MTMR3: variants seen among roughly 807,000 people sequenced by gnomAD.
MTMR3 encodes the protein myotubularin related protein 3.
MTMR3 carries 32 observed loss-of-function variants against 132.4 expected under a neutral mutation model. The ratio of observed to expected loss-of-function variants is 0.24; its 90% CI spans 0.18 to 0.32. The LOEUF (loss-of-function observed/expected upper bound fraction) is 0.32. Ranked by LOEUF, MTMR3 falls within the 10% of genes least tolerant of loss-of-function variation. The probability of loss-of-function intolerance (pLI) is 1.00; values close to 1 mark genes in which losing one functional copy is unlikely to be tolerated. For missense variants in MTMR3, 1,216 were observed against 1,489.6 expected, an observed-to-expected ratio of 0.82 and a Z score of 3.02; for synonymous variants, 556 against 550.3, an observed-to-expected ratio of 1.01 and a Z score of -0.14.
At position 29,986,041 on chromosome 22, in the gene MTMR3, A is replaced by C. The variant is rs556840724; in HGVS notation, c.211-2439A>C. On this transcript the variant is annotated intron_variant, in intron 5 of 19. Coordinates refer to ENST00000401950, the MANE Select transcript of MTMR3 (RefSeq NM_021090.4). ...GTTTTCATGTCTTCTGTCCATAAAGAAAGTCAGTTGCAGGGGACTTGGGAT... is the reference window on the plus strand; with the variant it reads ...GTTTTCATGTCTTCTGTCCATAAAGCAAGTCAGTTGCAGGGGACTTGGGAT... 11 of 152,338 alleles carry C rather than the reference A, an allele frequency of 7.2e-5. No individual in the cohort carries two copies. The East Asian group carries it at 1.9e-3, about 27-fold the overall frequency. The allele number at this position is 152,338 out of a possible 1,614,324, so 9.4% of individuals were successfully genotyped here.
At position 30,020,534 on chromosome 22, in the gene MTMR3, G is replaced by C; in HGVS notation, c.2875G>C (p.Ala959Pro). 1 of 1,614,164 alleles carries C rather than the reference G, an allele frequency of 6.2e-7. No individual in the cohort carries two copies. Among genetic ancestry groups the C allele is most frequent in the South Asian group, 1.1e-5 (1 of 91,082 alleles). The change falls in exon 17 of 20, where the codon GCC becomes CCC. Residue 959 changes from alanine to proline, a missense_variant. Ala to Pro is a conservative substitution (Grantham distance 27). Transcript: ENST00000401950. ...QMYPTPNGHCANGEAGRSKDS... is the reference protein window; with the variant it reads ...QMYPTPNGHCPNGEAGRSKDS... ...GTACCCCACACCCAATGGGCATTGC[G>C]CCAATGGGGAGGCTGGTAGGAGCAA... is the stretch of plus-strand genomic sequence containing the variant.
chr22:29,912,169 A>G (rs1414033051), intron 1 of MTMR3, among the ~76,000 whole-genome samples: 1 of 152,174 alleles, frequency 6.6e-6, no homozygotes, highest in African/African-American at 2.4e-5. Flanking sequence ...AAATGAGTTG[A>G]TGGTAGAGAT....
chr22:29,890,653 T>G (rs967170425), intron 1 of MTMR3, among the ~76,000 whole-genome samples: 1 of 152,234 alleles, frequency 6.6e-6, no homozygotes, highest in Admixed American at 6.5e-5. Context: ...ATTCCATATA[T>G]TCTTGCTAGT....
chr22:29,965,717 G>C (rs1340694138), intron 2 of MTMR3, among the ~76,000 whole-genome samples: 1 of 152,064 alleles, frequency 6.6e-6, no homozygotes, highest in Non-Finnish European at 1.5e-5. Context: ...AATTAGATTT[G>C]ACTGGGAAGA....
intron 1 of MTMR3, among the ~76,000 whole-genome samples, chr22:29,913,962 G>A (rs2065262861): frequency 6.6e-6 from 1 of 151,960 alleles, no homozygotes; most frequent in Non-Finnish European, 1.5e-5. Flanking sequence ...CTTGTTAGCC[G>A]GGTTGGTCTG....
intron 3 of MTMR3, among the ~76,000 whole-genome samples, chr22:29,972,365 T>G (rs1413560330): frequency 6.6e-6 from 1 of 152,200 alleles, no homozygotes; most frequent in Admixed American, 6.5e-5. Flanking sequence ...GGGTTCTCCA[T>G]GGTGCCTAGC....
At chr22:29,943,806 A>C (rs2065903544) in intron 1 of MTMR3, among the ~76,000 whole-genome samples, 1 of 72,816 alleles carries the variant, frequency 1.4e-5, no homozygotes, top group African/African-American at 6.2e-5. Flanking sequence ...CAGCTCCTTC[A>C]TGTGGACAAC....
intron 3 of MTMR3, among the ~76,000 whole-genome samples, chr22:29,971,465 T>A (rs1284068557): frequency 6.6e-6 from 1 of 152,166 alleles, no homozygotes; most frequent in Non-Finnish European, 1.5e-5. Flanking sequence ...TACTTAAAAA[T>A]TTTTTTAAAT....
rs187797813 is a variant in MTMR3 at position 29,917,962 on chromosome 22, T to G, written c.-138+34603T>G. On this transcript the variant is annotated intron_variant, in intron 1 of 19. Coordinates refer to ENST00000401950, the MANE Select transcript of MTMR3 (RefSeq NM_021090.4). ...ATTTGAATAGCTGTCAAGGGATTAC[T>G]TGATACAGAGAAGTTGCTAATTTAT... is the stretch of plus-strand genomic sequence containing the variant. 4.5e-3 allele frequency among the ~76,000 whole-genome samples: 681 copies of G among 152,358 alleles called. 6 individuals are homozygous for G. Among genetic ancestry groups the G allele is most frequent in the African/African-American group, 0.015 (643 of 41,574 alleles).
chr22:29,970,853 C>T, intron 2 of MTMR3, 123 bp from the exon 3 acceptor site: 1 of 440,998 alleles, frequency 2.3e-6, no homozygotes, highest in South Asian at 6.6e-5. Context: ...TGATCAGCTT[C>T]TTAGGCCTGT....
chr22:30,026,017 C>A lies in MTMR3; in HGVS notation c.*216C>A. 2.2e-6 allele frequency: 1 copy of A among 445,876 alleles called. No individual in the cohort carries two copies. Among genetic ancestry groups the A allele is most frequent in the Non-Finnish European group, 3.9e-6 (1 of 255,096 alleles). 27.6% of individuals were successfully genotyped at this position (445,876 alleles called of 1,614,324 possible). ...CTTTTCCATCCTCCTCCTCTGCCTTCAAAAAAGGAAACTTTCCCTTGGTTG... is the reference window on the plus strand; with the variant it reads ...CTTTTCCATCCTCCTCCTCTGCCTTAAAAAAAGGAAACTTTCCCTTGGTTG... On this transcript the variant is annotated 3_prime_UTR_variant, in exon 20 of 20. Coordinates refer to ENST00000401950, the MANE Select transcript of MTMR3 (RefSeq NM_021090.4).
chr22:29,957,871 A>C (rs962182606), intron 2 of MTMR3, among the ~76,000 whole-genome samples: 1 of 152,182 alleles, frequency 6.6e-6, no homozygotes, highest in African/African-American at 2.4e-5. Flanking sequence ...CTACACATTC[A>C]TATGACTTTC....
At chr22:29,926,629 T>G (rs2065522846) in intron 1 of MTMR3, among the ~76,000 whole-genome samples, 4 of 152,222 alleles carry the variant, frequency 2.6e-5, no homozygotes, top group Admixed American at 2.6e-4. Flanking sequence ...TTGTAATTCC[T>G]TGATGCCTAA....
intron 1 of MTMR3, among the ~76,000 whole-genome samples, chr22:29,951,262 C>T (rs552094407): frequency 6.6e-6 from 1 of 152,104 alleles, no homozygotes; most frequent in Non-Finnish European, 1.5e-5. Flanking sequence ...CCGTTTTTAG[C>T]AGATTGTATG....
intron 1 of MTMR3, among the ~76,000 whole-genome samples, chr22:29,909,985 C>G (rs2065177603): frequency 1.3e-5 from 2 of 152,066 alleles, no homozygotes; most frequent in African/African-American, 2.4e-5. Flanking sequence ...GAAACCCCGT[C>G]TCTACTAAAA....
In MTMR3 at chr22:30,022,713, T is replaced by C; in HGVS notation, c.3425+16T>C. 1.3e-6 allele frequency: 2 copies of C among 1,598,084 alleles called. No individual in the cohort carries two copies. Among genetic ancestry groups the C allele is most frequent in the Non-Finnish European group, 1.7e-6 (2 of 1,175,224 alleles). The stretch of plus-strand genomic sequence containing the variant: ...ACCACTGCAGGTACCATTGAGGGGC[T>C]GTGGTAGGGTGGGCTGTGTGTGGAG... On this transcript the variant is annotated intron_variant, in intron 19 of 19. Coordinates refer to ENST00000401950, the MANE Select transcript of MTMR3 (RefSeq NM_021090.4).
chr22:29,949,592 T>C (rs118142954), intron 1 of MTMR3, among the ~76,000 whole-genome samples: 1,550 of 149,602 alleles, frequency 0.01, 16 homozygotes, highest in Non-Finnish European at 0.015. Context: ...GCCTGTCTCA[T>C]TGATTAGTTT....
At chr22:29,967,592 A>G (rs866733066) in intron 2 of MTMR3, among the ~76,000 whole-genome samples, 5 of 151,376 alleles carry the variant, frequency 3.3e-5, no homozygotes, top group African/African-American at 7.3e-5. Flanking sequence ...CTTTTAAAGT[A>G]TACAATTCAG....
chr22:29,929,073 A>C (rs1029209918), intron 1 of MTMR3, among the ~76,000 whole-genome samples: 1 of 152,072 alleles, frequency 6.6e-6, no homozygotes, highest in Non-Finnish European at 1.5e-5. Flanking sequence ...TGAGGTCAGG[A>C]GTTCAAGACC....
Sources: gnomAD v4.1 joint callset for allele counts (sites outside exome capture counted in the v4.1 genomes callset) on GRCh38, gnomAD v4.1.1 for gene constraint, MANE v1.5 for transcripts, NCBI Gene and HGNC (gene_info 2026-07-23, HGNC 2026-07-21) for gene names.